FHOD3: variants seen among roughly 807,000 people sequenced by gnomAD.
FHOD3 encodes the protein FH1/FH2 domain-containing protein 3.
A neutral mutation model predicts 173.0 loss-of-function variants in FHOD3; 90 were observed. The ratio of observed to expected loss-of-function variants is 0.52; its 90% CI spans 0.44 to 0.62. The LOEUF (loss-of-function observed/expected upper bound fraction) is 0.62, where lower values mean the gene tolerates loss of function less well. FHOD3 is among the 20% of genes least tolerant of loss of function. The pLI is 0.00. For synonymous variants in FHOD3, 828 were observed against 823.0 expected (o/e 1.01, Z -0.10); for missense variants, 1,945 against 2,034.7 (o/e 0.96, Z 0.85).
chr18:36,726,972 C>A (rs2041108748), intron 19 of FHOD3, among the ~76,000 whole-genome samples: 1 of 152,150 alleles, frequency 6.6e-6, no homozygotes, highest in South Asian at 2.1e-4. Context: ...TGTGCCTGAC[C>A]AGAAAAGTTC....
rs374217442 is a variant in FHOD3 at position 36,391,797 on chromosome 18, TCTG to T, written c.337+19057_337+19059del. Among the ~76,000 whole-genome samples, 1,278 of 152,258 alleles carry T rather than the reference TCTG, an allele frequency of 8.4e-3. 15 individuals are homozygous for T. Among genetic ancestry groups the T allele is most frequent in the African/African-American group, 0.03 (1,227 of 41,538 alleles). ...CACCTCCTGCCCCTCCAGCTTTCGTTCTGCTGGTGGCTTTCCAGACAAACCATG... is the reference window on the plus strand; with the variant it reads ...CACCTCCTGCCCCTCCAGCTTTCGTTCTGGTGGCTTTCCAGACAAACCATG... On this transcript the variant is annotated intron_variant, in intron 3 of 28. Transcript: ENST00000590592.
At chr18:36,556,886 G>A (rs896927893) in intron 5 of FHOD3, among the ~76,000 whole-genome samples, 4 of 152,202 alleles carry the variant, frequency 2.6e-5, no homozygotes, top group African/African-American at 7.2e-5. Flanking sequence ...TTACCTTTGT[G>A]TATCTGAACA....
intron 5 of FHOD3, among the ~76,000 whole-genome samples, chr18:36,550,243 CATATATAT>C (rs371573246): frequency 4.1e-5 from 5 of 120,714 alleles, no homozygotes; most frequent in African/African-American, 1.3e-4. Context: ...AGTGGTAGAC[CATATATAT>C]ATATATATAT....
chr18:36,739,713 C>G (rs9959091), intron 20 of FHOD3, among the ~76,000 whole-genome samples: 1 of 151,948 alleles, frequency 6.6e-6, no homozygotes, highest in Non-Finnish European at 1.5e-5. Context: ...TATACCTATG[C>G]GTTTCACTGT....
At chr18:36,689,949 G>A (rs11081960) in intron 16 of FHOD3, among the ~76,000 whole-genome samples, 25,788 of 152,124 alleles carry the variant, frequency 0.17, 2,331 homozygotes, top group Non-Finnish European at 0.2. Context: ...TAATGTAAGT[G>A]AGAATTTCCA....
At chr18:36,313,307 G>T (rs1341909960) in intron 1 of FHOD3, among the ~76,000 whole-genome samples, 2 of 152,098 alleles carry the variant, frequency 1.3e-5, no homozygotes, top group South Asian at 4.2e-4. Context: ...TTCATATTTG[G>T]TAAAATTCAC....
At chr18:36,695,678 C>T (rs535429753) in intron 17 of FHOD3, among the ~76,000 whole-genome samples, 34 of 152,272 alleles carry the variant, frequency 2.2e-4, no homozygotes, top group African/African-American at 8.2e-4. Flanking sequence ...AATTGGACAT[C>T]GCAAGTGTAT....
chr18:36,317,240 G>T (rs572531633), intron 1 of FHOD3, among the ~76,000 whole-genome samples: 2 of 152,182 alleles, frequency 1.3e-5, no homozygotes, highest in African/African-American at 4.8e-5. Flanking sequence ...TATATACCCA[G>T]TAATGGGATC....
At chr18:36,769,915 T>C (rs1409525404) in intron 28 of FHOD3, among the ~76,000 whole-genome samples, 2 of 152,156 alleles carry the variant, frequency 1.3e-5, no homozygotes, top group Non-Finnish European at 2.9e-5. Flanking sequence ...TTGATGGTCA[T>C]TGGGATGCTT....
intron 1 of FHOD3, among the ~76,000 whole-genome samples, chr18:36,343,276 A>G (rs1304398396): frequency 6.6e-6 from 1 of 152,258 alleles, no homozygotes; most frequent in Non-Finnish European, 1.5e-5. Context: ...CAACTGAGGA[A>G]TGGATAAATA....
intron 14 of FHOD3, among the ~76,000 whole-genome samples, chr18:36,671,160 T>G (rs1001050720): frequency 6.6e-6 from 1 of 152,024 alleles, no homozygotes; most frequent in South Asian, 2.1e-4. Context: ...GGTCTCTCTC[T>G]CTCTGTATAG....
chr18:36,530,076 C>A (rs571760281), intron 5 of FHOD3, among the ~76,000 whole-genome samples: 4 of 152,102 alleles, frequency 2.6e-5, no homozygotes, highest in African/African-American at 9.7e-5. Flanking sequence ...CATTTACATT[C>A]GAGGTGGAAG....
At chr18:36,540,048 TC>T (rs1170754591) in intron 5 of FHOD3, among the ~76,000 whole-genome samples, 1 of 152,146 alleles carries the variant, frequency 6.6e-6, no homozygotes, top group Non-Finnish European at 1.5e-5. Flanking sequence ...AAGCATATTT[TC>T]CAGAGATCAA....
At chr18:36,403,381 C>T (rs933671966) in intron 3 of FHOD3, among the ~76,000 whole-genome samples, 90 of 152,214 alleles carry the variant, frequency 5.9e-4, no homozygotes, top group African/African-American at 2.0e-3. Flanking sequence ...AATTCTGTTC[C>T]CACCTTTAAA....
At chr18:36,410,296 A>G (rs1416564735) in intron 3 of FHOD3, among the ~76,000 whole-genome samples, 1 of 152,186 alleles carries the variant, frequency 6.6e-6, no homozygotes, top group South Asian at 2.1e-4. Context: ...TTCACTTAGC[A>G]TAACTTCTCA....
At chr18:36,677,129 T>G (rs1342223285) in intron 14 of FHOD3, among the ~76,000 whole-genome samples, 2 of 152,134 alleles carry the variant, frequency 1.3e-5, no homozygotes, top group African/African-American at 4.8e-5. Flanking sequence ...CTAGAATTTA[T>G]TTTTATATTT....
intron 7 of FHOD3, among the ~76,000 whole-genome samples, chr18:36,597,861 T>C (rs1218494522): frequency 6.6e-6 from 1 of 151,988 alleles, no homozygotes; most frequent in Non-Finnish European, 1.5e-5. Context: ...TAGCTTATCA[T>C]GTGTGGCTCA....
chr18:36,460,623 T>C (rs73421036), intron 3 of FHOD3, among the ~76,000 whole-genome samples: 14,925 of 152,246 alleles, frequency 0.098, 1,469 homozygotes, highest in East Asian at 0.25. Context: ...TATGGGAACA[T>C]GTGTTTACAG....
At chr18:36,518,990 G>C (rs748819865) in intron 5 of FHOD3, among the ~76,000 whole-genome samples, 1 of 152,166 alleles carries the variant, frequency 6.6e-6, no homozygotes, top group Non-Finnish European at 1.5e-5. Context: ...TAACTCCCTG[G>C]GAGGGGAAGG....
Sources: gnomAD v4.1 joint callset for allele counts (sites outside exome capture counted in the v4.1 genomes callset) on GRCh38, gnomAD v4.1.1 for gene constraint, MANE v1.5 for transcripts, NCBI Gene and HGNC (gene_info 2026-07-23, HGNC 2026-07-21) for gene names.